Variants in ZNF280C observed in about 807,000 individuals in gnomAD.
The protein encoded by ZNF280C is suppressor of hairy wing homolog 3.
In ZNF280C, 14 loss-of-function variants were observed where a neutral mutation model predicts 53.6. The ratio of observed to expected loss-of-function variants is 0.26; its 90% CI spans 0.17 to 0.41. The LOEUF (loss-of-function observed/expected upper bound fraction) is 0.41, where lower values mean the gene tolerates loss of function less well. Ranked by LOEUF, ZNF280C falls within the 10% of genes least tolerant of loss-of-function variation. The pLI, the probability that ZNF280C is intolerant of heterozygous loss-of-function variation, is 1.00. For missense variants in ZNF280C, 416 were observed against 547.1 expected (o/e 0.76, Z 2.39); for synonymous variants, 203 against 181.1 (o/e 1.12, Z -0.97).
intron 1 of ZNF280C, among the ~76,000 whole-genome samples, chrX:130,263,706 A>G (rs757536994): frequency 5.4e-5 from 6 of 111,699 alleles, no homozygotes; most frequent in Non-Finnish European, 9.4e-5. Context: ...TGTATGCTAT[A>G]TGAATTGTAT....
At position 130,220,403 on chromosome X, in the gene ZNF280C, C is replaced by A; in HGVS notation, c.1473G>T (p.Gln491His). 1 of 1,203,434 alleles carries A rather than the reference C, an allele frequency of 8.3e-7. No individual in the cohort carries two copies. The highest frequency in any genetic ancestry group is 1.1e-6 in the Non-Finnish European group (1 of 891,750). The change falls in exon 13 of 19, where the codon CAG becomes CAT. Residue 491 changes from glutamine (Q) to histidine (H), a missense_variant. Gln to His is a conservative substitution (Grantham distance 24, BLOSUM62 0). Transcript: ENST00000370978. ...TSKEKAEHKAQHRTFIKPKEL... is the reference protein window; with the variant it reads ...TSKEKAEHKAHHRTFIKPKEL... ...CTTTAGGCTTTATAAATGTACGATG[C>A]TGCGCCTTATGTTCAGCTTTCTCCT...
chrX:130,262,525 G>A (rs2032641486), intron 1 of ZNF280C, among the ~76,000 whole-genome samples: 1 of 112,102 alleles, frequency 8.9e-6, no homozygotes, highest in South Asian at 3.7e-4. Context: ...AATTTTGGTG[G>A]CAAGGGAAGG....
intron 1 of ZNF280C, among the ~76,000 whole-genome samples, chrX:130,261,646 GGATA>G (rs1262857168): frequency 8.9e-6 from 1 of 111,790 alleles, no homozygotes. Context: ...TCAACTACTT[GGATA>G]GTTAGTGCTT....
At chrX:130,259,662 A>AT (rs1229241452) in intron 2 of ZNF280C, among the ~76,000 whole-genome samples, 2 of 111,270 alleles carry the variant, frequency 1.8e-5, no homozygotes, top group Non-Finnish European at 3.8e-5. Flanking sequence ...TGTTTACTGT[A>AT]TTTTTTTTTA....
chrX:130,218,905 A>G (rs1199878912), intron 13 of ZNF280C, among the ~76,000 whole-genome samples: 1 of 111,687 alleles, frequency 9.0e-6, no homozygotes, highest in Non-Finnish European at 1.9e-5. Context: ...TACTATTGGT[A>G]TCTTATTAAT....
intron 16 of ZNF280C, among the ~76,000 whole-genome samples, chrX:130,209,250 T>C (rs1363282418): frequency 8.9e-6 from 1 of 111,935 alleles, no homozygotes; most frequent in African/African-American, 3.2e-5. Context: ...CTGAGCTAAA[T>C]GTGTGTGGTG....
rs2031951613 is a variant in ZNF280C, at chrX:130,204,632, A to G, written c.*345T>C. 5.5e-6 allele frequency: 1 copy of G among 181,026 alleles called. No homozygotes were observed. The highest frequency in any genetic ancestry group is 1.0e-5 in the Non-Finnish European group (1 of 99,255). 14.9% of individuals were successfully genotyped at this position (181,026 alleles called of 1,213,427 possible). On this transcript the variant is annotated 3_prime_UTR_variant, in exon 19 of 19. Coordinates refer to ENST00000370978, the MANE Select transcript of ZNF280C (RefSeq NM_017666.5). ...GACCTAAACATGTAAGACTTATAAGAAATTAAGAAAGCAGACAAAACAGAC... is the reference window on the plus strand; with the variant it reads ...GACCTAAACATGTAAGACTTATAAGGAATTAAGAAAGCAGACAAAACAGAC...
At chrX:130,258,168 T>C (rs1416863059) in intron 2 of ZNF280C, among the ~76,000 whole-genome samples, 2 of 111,622 alleles carry the variant, frequency 1.8e-5, no homozygotes, top group Non-Finnish European at 3.8e-5. Context: ...TGTATATAAG[T>C]GGTGGAGTGA....
intron 12 of ZNF280C, among the ~76,000 whole-genome samples, chrX:130,225,809 G>A: frequency 8.9e-6 from 1 of 111,821 alleles, no homozygotes; most frequent in Non-Finnish European, 1.9e-5. Context: ...ACATTCAAGG[G>A]CGACGTTAGT....
intron 1 of ZNF280C, among the ~76,000 whole-genome samples, chrX:130,263,949 T>C (rs1569441773): frequency 2.0e-5 from 2 of 100,021 alleles, no homozygotes; most frequent in East Asian, 6.1e-4. Context: ...AGCTTGAACC[T>C]GGGAGGTGGA....
intron 3 of ZNF280C, among the ~76,000 whole-genome samples, chrX:130,244,841 T>C (rs1216236738): frequency 1.9e-5 from 2 of 105,791 alleles, no homozygotes; most frequent in African/African-American, 6.9e-5. Context: ...TTCTATTAAG[T>C]GAAGGGTCAC....
chrX:130,266,361 G>A, intron 1 of ZNF280C, among the ~76,000 whole-genome samples: 1 of 111,631 alleles, frequency 9.0e-6, no homozygotes, highest in Admixed American at 9.5e-5. Flanking sequence ...GACAGATGGG[G>A]AAAAGATGTT....
At chrX:130,241,943 G>C (rs1284351485) in intron 5 of ZNF280C, among the ~76,000 whole-genome samples, 1 of 102,374 alleles carries the variant, frequency 9.8e-6, no homozygotes, top group African/African-American at 3.7e-5. Flanking sequence ...AATAATAATA[G>C]TGCCCATCTC....
intron 9 of ZNF280C, 41 bp downstream of exon 9, chrX:130,230,469 T>A: frequency 1.0e-6 from 1 of 973,992 alleles, no homozygotes; most frequent in Non-Finnish European, 1.4e-6. Flanking sequence ...ATCTGTCATA[T>A]CCCAACTTTC....
chrX:130,229,918 TTTAAGACTGGG>T (rs1355025807), intron 9 of ZNF280C, among the ~76,000 whole-genome samples: 1 of 112,264 alleles, frequency 8.9e-6, no homozygotes, highest in Non-Finnish European at 1.9e-5. Context: ...AAACAACAGT[TTTAAGACTGGG>T]TCAACTACTT....
At chrX:130,246,772 A>C in intron 3 of ZNF280C, 87 bp downstream of exon 3, 1 of 1,061,804 alleles carries the variant, frequency 9.4e-7, no homozygotes, top group Non-Finnish European at 1.3e-6. Flanking sequence ...ACAGAAGAAC[A>C]ACAGTATGAA....
chrX:130,253,016 C>G (rs2032531291), intron 2 of ZNF280C, among the ~76,000 whole-genome samples: 1 of 111,576 alleles, frequency 9.0e-6, no homozygotes, highest in Admixed American at 9.6e-5. Context: ...TCTAGAAAAC[C>G]CCATAGTCTC....
chrX:130,250,597 T>C (rs971949202), intron 2 of ZNF280C, among the ~76,000 whole-genome samples: 2 of 111,674 alleles, frequency 1.8e-5, no homozygotes, highest in African/African-American at 6.5e-5. Flanking sequence ...ACTGAAGCCC[T>C]GAATAGAATA....
chrX:130,215,361 AAG>A (rs2032089490), intron 14 of ZNF280C, 28 bp from the exon 15 acceptor site: 1 of 1,132,643 alleles, frequency 8.8e-7, no homozygotes, highest in Admixed American at 3.0e-5. Context: ...AAAAGATAAA[AAG>A]AGATTATAAA....
Sources: allele counts gnomAD v4.1 joint callset (sites outside exome capture counted in the v4.1 genomes callset), GRCh38; gene constraint gnomAD v4.1.1; transcripts MANE v1.5; gene names NCBI Gene and HGNC (gene_info 2026-07-23, HGNC 2026-07-21).